Variants in GPSM1 observed in about 807,000 individuals in gnomAD.
The protein encoded by GPSM1 is G protein signaling modulator 1, also known as G protein-signaling modulator 1.
Under a neutral mutation model 70.5 loss-of-function variants are expected in GPSM1, and 48 were observed. That is an observed-to-expected ratio of 0.68 (90% CI 0.54 to 0.87). GPSM1 has a LOEUF of 0.87. Among genes scored for constraint, GPSM1 ranks in the 40% least tolerant of loss-of-function variants. GPSM1 has a pLI of 0.00. For missense variants in GPSM1, 981 were observed against 972.6 expected (o/e 1.01, Z -0.11); for synonymous variants, 416 against 430.1 (o/e 0.97, Z 0.41).
chr9:136,354,289 G>A (rs1832751299), intron 11 of GPSM1, among the ~76,000 whole-genome samples: 1 of 152,218 alleles, frequency 6.6e-6, no homozygotes, highest in African/African-American at 2.4e-5. Context: ...ACTCTCCTGT[G>A]CCCTGGGCCG....
At chr9:136,352,279 ACACCGATG>A (rs1832692002) in intron 11 of GPSM1, among the ~76,000 whole-genome samples, 1 of 132,448 alleles carries the variant, frequency 7.6e-6, no homozygotes, top group African/African-American at 2.9e-5. Context: ...GCTGTTGGTG[ACACCGATG>A]CTGCGCCGTT....
At chr9:136,357,699 T>C (rs1832871481) in intron 13 of GPSM1, among the ~76,000 whole-genome samples, 1 of 152,154 alleles carries the variant, frequency 6.6e-6, no homozygotes, top group Non-Finnish European at 1.5e-5. Context: ...GGAGCAGGCA[T>C]CCAACGCCGC....
chr9:136,337,040 A>G lies in GPSM1; in HGVS notation c.546A>G (p.Arg182=). 2 of 1,551,850 alleles carry G rather than the reference A, an allele frequency of 1.3e-6. No individual in the cohort carries two copies. Among genetic ancestry groups the G allele is most frequent in the Non-Finnish European group, 1.7e-6 (2 of 1,147,758 alleles). ...CCGGGCACCTGCCGCCCGATGTCCG[A>G]GAGACCCTGTGCAAGGCCTCCGAGT... ...QDPGHLPPDV[R]ETLCKASEFY... Residue 182 remains arginine (R), a synonymous_variant, in exon 4 of 14, where the codon CGA becomes CGG. Coordinates refer to ENST00000440944, the MANE Select transcript of GPSM1 (RefSeq NM_001145638.3).
intron 11 of GPSM1, 111 bp downstream of exon 11, chr9:136,349,874 G>T (rs1832616758): frequency 3.8e-6 from 4 of 1,047,452 alleles, no homozygotes; most frequent in Admixed American, 2.7e-5. Context: ...ACTCCGGGGA[G>T]GCAGGGGTCC....
Position 136,339,808 on chromosome 9 carries a change from C to T in GPSM1, c.1076C>T (p.Ser359Phe). The T allele has an allele frequency of 1.3e-6, 2 of 1,535,742 alleles. No homozygotes were observed. Among genetic ancestry groups the T allele is most frequent in the Non-Finnish European group, 1.8e-6 (2 of 1,137,098 alleles). The change falls in exon 8 of 14, where the codon TCC becomes TTC. Residue 359 changes from serine to phenylalanine, a missense_variant. Physicochemically the swap from Ser to Phe is radical, Grantham distance 155. Transcript: ENST00000440944. Reference protein sequence around the residue: ...LTFAKKHLQISQEIGDRHGEL... With the variant: ...LTFAKKHLQIFQEIGDRHGEL... ...TTCGCCAAGAAGCACCTGCAGATCT[C>T]CCAGGAGGTGAGCCAGGCCTGCCCC...
In GPSM1 at chr9:136,358,575, C is replaced by T. The variant is rs528358507; in HGVS notation, c.*355C>T. On this transcript the variant is annotated 3_prime_UTR_variant, in exon 14 of 14. Coordinates refer to ENST00000440944, the MANE Select transcript of GPSM1 (RefSeq NM_001145638.3). ...AAATGTGAAACCCTGCTGTCTCCCC[C>T]ACCCTCCCCAAAGGTGTCTCTGAGC... 14 of 410,650 alleles carry T rather than the reference C, an allele frequency of 3.4e-5. No individual in the cohort carries two copies. Among genetic ancestry groups the T allele is most frequent in the South Asian group, 3.1e-4 (11 of 35,492 alleles). The allele number at this position is 410,650 out of a possible 1,614,324, so 25.4% of individuals were successfully genotyped here.
intron 1 of GPSM1, chr9:136,332,187 G>C (rs1554768585): frequency 5.0e-6 from 2 of 399,106 alleles, no homozygotes; most frequent in Middle Eastern, 6.3e-4. Context: ...CGGGCAGCGA[G>C]TGGGGTGGTC....
At position 136,341,339 on chromosome 9, in the gene GPSM1, G is replaced by C. The variant is rs1832386441; in HGVS notation, c.1207+346G>C. 1 of 1,436,686 alleles carries C rather than the reference G, an allele frequency of 7.0e-7. No individual in the cohort carries two copies. Among genetic ancestry groups the C allele is most frequent in the East Asian group, 2.5e-5 (1 of 39,910 alleles). The allele number at this position is 1,436,686 out of a possible 1,614,324, so 89.0% of individuals were successfully genotyped here. A position where few individuals can be genotyped will look rare whatever the true frequency, so the allele number is the denominator to read the frequency against. On this transcript the variant is annotated intron_variant, in intron 9 of 13. Transcript: ENST00000440944. This position sits in a 1 kb window ranked among gnomAD's most constrained non-coding sequence, Gnocchi z 6.7. ...CCTCAGACCCAAGTAGGAGAGGGCT[G>C]CTGGGAGGCGAGAGGGCATCAGCCA...
chr9:136,344,215 G>C (rs1231414987), intron 9 of GPSM1, among the ~76,000 whole-genome samples: 1 of 146,440 alleles, frequency 6.8e-6, no homozygotes, highest in African/African-American at 2.5e-5. Context: ...GGAGCGGGGT[G>C]GGGGCGCGGA....
chr9:136,328,901 C>T (rs1188964462), intron 1 of GPSM1, among the ~76,000 whole-genome samples: 2 of 152,204 alleles, frequency 1.3e-5, no homozygotes, highest in African/African-American at 4.8e-5. Flanking sequence ...CTGTGCAGGG[C>T]CGCATGTGCT....
Position 136,337,470 on chromosome 9 carries a change from G to C in GPSM1, c.608G>C (p.Gly203Ala). 6.4e-7 allele frequency: 1 copy of C among 1,568,280 alleles called. No homozygotes were observed. The highest frequency in any genetic ancestry group is 8.6e-7 in the Non-Finnish European group (1 of 1,156,774). ...AACCTGTCCCTGGTGAAGGAGCTGG[G>C]CGACCGTGCGGCGCAGGGCAGGGCC... ...ERNLSLVKEL[G>A]DRAAQGRAYG... The change falls in exon 5 of 14, where the codon GGC becomes GCC. Residue 203 changes from glycine (G) to alanine (A), a missense_variant. Transcript: ENST00000440944.
At chr9:136,351,103 C>T (rs1156772409) in intron 11 of GPSM1, among the ~76,000 whole-genome samples, 1 of 152,194 alleles carries the variant, frequency 6.6e-6, no homozygotes, top group East Asian at 1.9e-4. Context: ...TCCGTGGGCA[C>T]CAACCTGCAG....
At chr9:136,337,170 C>A in intron 4 of GPSM1, 98 bp downstream of exon 4, 3 of 1,186,318 alleles carry the variant, frequency 2.5e-6, no homozygotes, top group South Asian at 1.5e-5. Flanking sequence ...CCATACCTCC[C>A]GACAGCTCCC....
chr9:136,355,793 G>A lies in GPSM1; in HGVS notation c.1559G>A (p.Gly520Asp). 6.2e-7 allele frequency: 1 copy of A among 1,611,838 alleles called. No individual in the cohort carries two copies. The highest frequency in any genetic ancestry group is 8.5e-7 in the Non-Finnish European group (1 of 1,179,200). ...GACCAGCGTTGTCCCCTGGACGATG[G>A]CCAGGCCGGGGCTGCCGAGGCCACG... is the stretch of plus-strand genomic sequence containing the variant. Reference protein sequence around the residue: ...MDDQRCPLDDGQAGAAEATAA... With the variant: ...MDDQRCPLDDDQAGAAEATAA... The change falls in exon 12 of 14, where the codon GGC (glycine) becomes GAC (aspartate). Residue 520 changes from glycine (G) to aspartate (D), a missense_variant. Gly to Asp is a moderately conservative substitution (Grantham distance 94, BLOSUM62 -1). Coordinates refer to ENST00000440944, the MANE Select transcript of GPSM1 (RefSeq NM_001145638.3).
chr9:136,338,205 C>T (rs879999007), intron 6 of GPSM1, among the ~76,000 whole-genome samples: 14 of 152,228 alleles, frequency 9.2e-5, no homozygotes, highest in Admixed American at 6.5e-5. Flanking sequence ...CACAGAGCAG[C>T]GCCTGCCGGG....
chr9:136,341,226 G>A lies in GPSM1; in HGVS notation c.1207+233G>A. 1.3e-6 allele frequency: 2 copies of A among 1,519,190 alleles called. No homozygotes were observed. Among genetic ancestry groups the A allele is most frequent in the South Asian group, 2.5e-5 (2 of 80,358 alleles). The allele number at this position is 1,519,190 out of a possible 1,614,324, so 94.1% of individuals were successfully genotyped here. ...CTGCAGGGCTGCTGGATGAAGGACA[G>A]GAGGTGGTCGCCTGTTGCCCCACTG... On this transcript the variant is annotated intron_variant, in intron 9 of 13. Transcript: ENST00000440944. The surrounding 1 kb of genome is among the most constrained non-coding windows in gnomAD (Gnocchi z 6.7).
chr9:136,341,396 T>A lies in GPSM1; in HGVS notation c.1207+403T>A, dbSNP rs1421627119. 12 of 1,384,548 alleles carry A rather than the reference T, an allele frequency of 8.7e-6. No individual in the cohort carries two copies. In the African/African-American group the frequency reaches 1.7e-4, roughly 19 times the overall value. 85.8% of individuals were successfully genotyped at this position (1,384,548 alleles called of 1,614,324 possible). ...TGGGCTGGGCTGGGCTGGGCTGGGC[T>A]GTGGGAGCCCTATGTGCCTGGGGCA... On this transcript the variant is annotated intron_variant, in intron 9 of 13. Coordinates refer to ENST00000440944, the MANE Select transcript of GPSM1 (RefSeq NM_001145638.3). The surrounding 1 kb of genome is among the most constrained non-coding windows in gnomAD (Gnocchi z 6.7).
chr9:136,333,570 G>C (rs1832153790), intron 1 of GPSM1, among the ~76,000 whole-genome samples: 1 of 152,218 alleles, frequency 6.6e-6, no homozygotes. Flanking sequence ...CTTCTCTAAA[G>C]TCCCTGCCCG....
At position 136,337,424 on chromosome 9, in the gene GPSM1, A is replaced by C; in HGVS notation, c.579-17A>C. On this transcript the variant is annotated splice_polypyrimidine_tract_variant and intron_variant, in intron 4 of 13. Coordinates refer to ENST00000440944, the MANE Select transcript of GPSM1 (RefSeq NM_001145638.3). The stretch of plus-strand genomic sequence containing the variant: ...ATGGGCTGGGAGGGACACGGCTCAG[A>C]GGCACTCGGCCCCCAGGAGGAACCT... The C allele has an allele frequency of 6.4e-7, 1 of 1,567,270 alleles. No homozygotes were observed. Among genetic ancestry groups the C allele is most frequent in the Non-Finnish European group, 8.6e-7 (1 of 1,156,120 alleles).
Sources: allele counts gnomAD v4.1 joint callset (sites outside exome capture counted in the v4.1 genomes callset), GRCh38; gene constraint gnomAD v4.1.1; non-coding constraint Gnocchi (gnomAD v3.1); transcripts MANE v1.5; gene names NCBI Gene and HGNC (gene_info 2026-07-23, HGNC 2026-07-21).